The following MYO15A variants were observed in gnomAD, a reference collection of about 807,000 sequenced individuals.
MYO15A encodes the protein unconventional myosin-XV.
A neutral mutation model predicts 394.6 loss-of-function variants in MYO15A; 308 were observed. The ratio of observed to expected loss-of-function variants is 0.78; its 90% CI spans 0.71 to 0.86. MYO15A has a LOEUF of 0.86. MYO15A is among the 40% of genes least tolerant of loss of function. The probability of loss-of-function intolerance (pLI) is 0.00; values close to 1 mark genes in which losing one functional copy is unlikely to be tolerated. For synonymous variants in MYO15A, 1,957 were observed against 2,003.8 expected (o/e 0.98, Z 0.62); for missense variants, 4,606 against 4,799.1 (o/e 0.96, Z 1.19).
chr17:18,123,351 G>A (rs1231544393), intron 2 of MYO15A: 2 of 152,454 alleles, frequency 1.3e-5, no homozygotes, highest in East Asian at 1.9e-4. Context: ...GGCGTCTAGG[G>A]GTGAGGGGCA....
rs1015006421 is a variant in MYO15A at position 18,120,788 on chromosome 17, C to G, written c.1988C>G (p.Pro663Arg). The G allele has an allele frequency of 3.0e-6, 4 of 1,347,464 alleles. No individual in the cohort carries two copies. In the African/African-American group the frequency reaches 6.3e-5, roughly 21 times the overall value. 83.5% of individuals were successfully genotyped at this position (1,347,464 alleles called of 1,614,324 possible). The change falls in exon 2 of 66, where the codon CCG (proline) becomes CGG (arginine). Residue 663 changes from proline (P) to arginine (R), a missense_variant. By Grantham distance (103) the Pro-to-Arg change is moderately radical. Around this residue, in one of 2 missense-constraint regions of MYO15A, gnomAD observed 1,830 missense variants for 1,689.7 expected, o/e 1.08. Coordinates refer to ENST00000647165, the MANE Select transcript of MYO15A (RefSeq NM_016239.4). Reference sequence around the variant, plus strand: ...TCCCACTGGAGCGCGCTCCTGTCTCCGCCCGTGCCCCCGCGGCCCCCAAGC... The same window carrying G: ...TCCCACTGGAGCGCGCTCCTGTCTCGGCCCGTGCCCCCGCGGCCCCCAAGC... The part of the protein sequence containing the change: ...TLSHWSALLS[P>R]PVPPRPPSSG...
rs865982060 is a variant in MYO15A at position 18,150,840 on chromosome 17, G to A, written c.7400G>A (p.Arg2467Gln). 2.1e-5 allele frequency: 34 copies of A among 1,593,920 alleles called. No homozygotes were observed. The highest frequency in any genetic ancestry group is 3.5e-5 in the Admixed American group (2 of 57,104). Residue 2467 changes from arginine (R) to glutamine (Q), a missense_variant, in exon 38 of 66, where the codon CGG becomes CAG. By Grantham distance (43) the Arg-to-Gln change is conservative. Coordinates refer to ENST00000647165, the MANE Select transcript of MYO15A (RefSeq NM_016239.4). The surrounding 1 kb of genome is among the most constrained non-coding windows in gnomAD (Gnocchi z 4.4). ...ACCACTGCCACCTCTCCCCAGGCCC[G>A]GGAGATGACCCTGCAGGCCACGGCA... ...FIHKQAVLLA[R>Q]EMTLQATALQ...
intron 4 of MYO15A, 82 bp downstream of exon 4, chr17:18,125,313 C>A: frequency 7.4e-7 from 1 of 1,347,944 alleles, no homozygotes; most frequent in Non-Finnish European, 1.1e-6. Context: ...GCACAGATTT[C>A]TCTTGTGGGC....
At chr17:18,156,684 T>C (rs1249478134) in intron 48 of MYO15A, among the ~76,000 whole-genome samples, 1 of 152,128 alleles carries the variant, frequency 6.6e-6, no homozygotes, top group African/African-American at 2.4e-5. Context: ...GCAGGTCATC[T>C]CTGTGCCCCA....
Position 18,121,594 on chromosome 17 carries a change from G to A in MYO15A, c.2794G>A (p.Asp932Asn). The change falls in exon 2 of 66, where the codon GAC becomes AAC. Residue 932 changes from aspartate to asparagine, a missense_variant. By Grantham distance (23) the Asp-to-Asn change is conservative. Transcript: ENST00000647165. This position sits in a 1 kb window ranked among gnomAD's most constrained non-coding sequence, Gnocchi z 5.3. Reference sequence around the variant, plus strand: ...CCCACTGGCCCCCAGCTGGGACGTGGACATGCCTCCCACCCAACGCCCACC... The same window carrying A: ...CCCACTGGCCCCCAGCTGGGACGTGAACATGCCTCCCACCCAACGCCCACC... ...VPPLAPSWDVDMPPTQRPPSP... is the reference protein window; with the variant it reads ...VPPLAPSWDVNMPPTQRPPSP... 1 of 1,599,790 alleles carries A rather than the reference G, an allele frequency of 6.3e-7. No individual in the cohort carries two copies. Among genetic ancestry groups the A allele is most frequent in the East Asian group, 2.3e-5 (1 of 44,402 alleles).
At position 18,120,912 on chromosome 17, in the gene MYO15A, G is replaced by C. The variant is rs1397353590; in HGVS notation, c.2112G>C (p.Trp704Cys). 2.8e-5 allele frequency: 40 copies of C among 1,443,814 alleles called. No homozygotes were observed. Among genetic ancestry groups the C allele is most frequent in the Non-Finnish European group, 3.5e-5 (39 of 1,103,280 alleles). The allele number at this position is 1,443,814 out of a possible 1,614,324, so 89.4% of individuals were successfully genotyped here. ...CCCTCCGCCGCCACCCGCCGCCCTG[G>C]GCCGCCCCAGCGCACGTGCCACCGG... is the stretch of plus-strand genomic sequence containing the variant. ...YGSLRRHPPP[W>C]AAPAHVPPAP... Residue 704 changes from tryptophan (W) to cysteine (C), a missense_variant, in exon 2 of 66, where the codon TGG (tryptophan) becomes TGC (cysteine). Transcript: ENST00000647165.
chr17:18,153,108 A>G lies in MYO15A; in HGVS notation c.7967-667A>G, dbSNP rs1431935479. On this transcript the variant is annotated intron_variant, in intron 42 of 65. Transcript: ENST00000647165. This position sits in a 1 kb window ranked among gnomAD's most constrained non-coding sequence, Gnocchi z 4.1. ...CTCAGCCTTTAGCCCAGGCCTGTATACAATAGGTGTTTTGGCTGGGTGTAG... is the reference window on the plus strand; with the variant it reads ...CTCAGCCTTTAGCCCAGGCCTGTATGCAATAGGTGTTTTGGCTGGGTGTAG... Among the ~76,000 whole-genome samples the G allele has an allele frequency of 6.6e-6, 1 of 152,210 alleles. No individual in the cohort carries two copies. Among genetic ancestry groups the G allele is most frequent in the Non-Finnish European group, 1.5e-5 (1 of 68,036 alleles).
intron 7 of MYO15A, 112 bp from the exon 8 acceptor site, chr17:18,130,693 C>A (rs1724484444): frequency 1.9e-6 from 3 of 1,575,924 alleles, no homozygotes; most frequent in Admixed American, 1.7e-5. Context: ...TTTACTAGTC[C>A]CTCCCTGGTC....
Position 18,175,292 on chromosome 17 carries a change from C to CTTTTTTTTTTTT in MYO15A, c.10491+1376_10491+1387dup, listed in dbSNP as rs1182500584. Among the ~76,000 whole-genome samples the CTTTTTTTTTTTT allele has an allele frequency of 4.5e-4, 41 of 91,290 alleles. 5 individuals are homozygous for CTTTTTTTTTTTT. The highest frequency in any genetic ancestry group is 8.4e-4 in the African/African-American group (20 of 23,722). 59.9% of individuals were successfully genotyped at this position (91,290 alleles called of 152,430 possible). On this transcript the variant is annotated intron_variant, in intron 65 of 65. Coordinates refer to ENST00000647165, the MANE Select transcript of MYO15A (RefSeq NM_016239.4). ...TCTGGTCTTTCCTCCTCTAGACTAT[C>CTTTTTTTTTTTT]TTTTTTTTTTTTTTTTGAGGCAAAG...
chr17:18,127,834 GATAT>G (rs55650584), intron 7 of MYO15A, among the ~76,000 whole-genome samples: 3,937 of 131,038 alleles, frequency 0.03, 97 homozygotes, highest in South Asian at 0.066. Context: ...GAAAAAAAAA[GATAT>G]ATATATATAT....
At chr17:18,112,076 C>G (rs575773636) in intron 1 of MYO15A, among the ~76,000 whole-genome samples, 21 of 152,338 alleles carry the variant, frequency 1.4e-4, no homozygotes, top group African/African-American at 4.1e-4. Context: ...CTTGGGCAAG[C>G]CCGCTAGAGA....
At chr17:18,161,544 T>A in intron 57 of MYO15A, 97 bp downstream of exon 57, 1 of 1,526,352 alleles carries the variant, frequency 6.6e-7, no homozygotes, top group Non-Finnish European at 9.0e-7. Flanking sequence ...GGCCTCGCTC[T>A]TCACAGGTGC....
At position 18,133,416 on chromosome 17, in the gene MYO15A, C is replaced by G. The variant is rs200311879; in HGVS notation, c.4482+30C>G. On this transcript the variant is annotated intron_variant, in intron 12 of 65. Transcript: ENST00000647165. ...GGGGACGCCACAGCCTGCCATGGGG[C>G]CCGCACCCTCTGGACTTGGCCGTCT... 1.3e-3 allele frequency: 2,118 copies of G among 1,611,278 alleles called. 4 individuals carry two copies. The highest frequency in any genetic ancestry group is 1.7e-3 in the Non-Finnish European group (1,973 of 1,177,950).
rs1375011324 is a variant in MYO15A at position 18,120,999 on chromosome 17, C to T, written c.2199C>T (p.Pro733=). ...CTGCCGTGAGCCCGGAGGTGCCCCC[C>T]GACCTACTAGCCTTCCCAGGGCCCC... The part of the protein sequence containing the change: ...EPPAVSPEVP[P]DLLAFPGPRP... The change falls in exon 2 of 66, where the codon CCC becomes CCT. Residue 733 remains proline (P), a synonymous_variant. Coordinates refer to ENST00000647165, the MANE Select transcript of MYO15A (RefSeq NM_016239.4). The T allele has an allele frequency of 1.3e-6, 2 of 1,507,312 alleles. No individual in the cohort carries two copies. Among genetic ancestry groups the T allele is most frequent in the Admixed American group, 2.1e-5 (1 of 48,662 alleles). The allele number at this position is 1,507,312 out of a possible 1,614,324, so 93.4% of individuals were successfully genotyped here.
Position 18,119,596 on chromosome 17 carries a change from C to A in MYO15A, c.796C>A (p.Pro266Thr). Reference protein sequence around the residue: ...EQEPYLAGLGPYSPAWPPYGD... With the variant: ...EQEPYLAGLGTYSPAWPPYGD... ...GGAACCCTACCTGGCGGGCCTCGGC[C>A]CCTACAGCCCGGCCTGGCCACCCTA... The change falls in exon 2 of 66, where the codon CCC becomes ACC. Residue 266 changes from proline (P) to threonine (T), a missense_variant. Around this residue, in one of 2 missense-constraint regions of MYO15A, gnomAD observed 1,830 missense variants for 1,689.7 expected, o/e 1.08. Transcript: ENST00000647165. 6.2e-7 allele frequency: 1 copy of A among 1,604,234 alleles called. No individual in the cohort carries two copies.
At position 18,119,659 on chromosome 17, in the gene MYO15A, TACG is replaced by T. The variant is rs754531834; in HGVS notation, c.862_864del (p.Asp288del). 1.2e-6 allele frequency: 2 copies of T among 1,604,996 alleles called. No homozygotes were observed. The highest frequency in any genetic ancestry group is 4.5e-5 in the East Asian group (2 of 44,860). On this transcript the variant is annotated inframe_deletion, in exon 2 of 66. Coordinates refer to ENST00000647165, the MANE Select transcript of MYO15A (RefSeq NM_016239.4). ...CTACGGGTACCCGCCCGAGGATCCC[TACG>T]ACTACTACCACCCCGACTATTACGG...
chr17:18,179,004 G>C lies in MYO15A; in HGVS notation c.*134G>C. Reference sequence around the variant, plus strand: ...GGAGGACACTAAGAGGAGGCAGGAGGAGCAACTCAAATCCCCAAGAACACA... The same window carrying C: ...GGAGGACACTAAGAGGAGGCAGGAGCAGCAACTCAAATCCCCAAGAACACA... On this transcript the variant is annotated 3_prime_UTR_variant, in exon 66 of 66. Coordinates refer to ENST00000647165, the MANE Select transcript of MYO15A (RefSeq NM_016239.4). The C allele has an allele frequency of 1.1e-6, 1 of 872,092 alleles. No individual in the cohort carries two copies. 54.0% of individuals were successfully genotyped at this position (872,092 alleles called of 1,614,324 possible).
At position 18,170,004 on chromosome 17, in the gene MYO15A, G is replaced by C. The variant is rs532717704; in HGVS notation, c.10083-1634G>C. Among the ~76,000 whole-genome samples, 3 of 143,316 alleles carry C rather than the reference G, an allele frequency of 2.1e-5. 1 individual carries two copies. In the South Asian group the frequency reaches 6.6e-4, roughly 31 times the overall value. 94.0% of individuals were successfully genotyped at this position (143,316 alleles called of 152,430 possible). A position where few individuals can be genotyped will look rare whatever the true frequency, so the allele number is the denominator to read the frequency against. On this transcript the variant is annotated intron_variant, in intron 62 of 65. Transcript: ENST00000647165. ...AAAAAAAAAAAAAAAAAAACCATTA[G>C]TGAGAATTTTACATGTTCAAAGCTC...
At position 18,158,994 on chromosome 17, in the gene MYO15A, C is replaced by G. The variant is rs1224404308; in HGVS notation, c.9153C>G (p.Thr3051=). 2 of 1,613,856 alleles carry G rather than the reference C, an allele frequency of 1.2e-6. No homozygotes were observed. Among genetic ancestry groups the G allele is most frequent in the South Asian group, 1.1e-5 (1 of 91,064 alleles). The part of the protein sequence containing the change: ...SRTLEDMLCF[T]KTPLQESLIE... ...CCTTGGAGGACATGCTTTGCTTCAC[C>G]AAGGTGTCCAGTCCCGGACCTCAGT... The change falls in exon 53 of 66, where the codon ACC becomes ACG. Residue 3051 remains threonine, a synonymous_variant. Coordinates refer to ENST00000647165, the MANE Select transcript of MYO15A (RefSeq NM_016239.4).
Sources: allele counts gnomAD v4.1 joint callset (sites outside exome capture counted in the v4.1 genomes callset), GRCh38; gene constraint gnomAD v4.1.1; regional missense constraint gnomAD v4.1.1; non-coding constraint Gnocchi (gnomAD v3.1); transcripts MANE v1.5; gene names NCBI Gene and HGNC (gene_info 2026-07-23, HGNC 2026-07-21).